SND1: variants seen among roughly 807,000 people sequenced by gnomAD.
SND1 encodes staphylococcal nuclease and tudor domain containing 1.
In SND1, 38 loss-of-function variants were observed where a neutral mutation model predicts 121.7. The observed-to-expected ratio is 0.31, with a 90% confidence interval of 0.24 to 0.41. SND1 has a LOEUF of 0.41. SND1 is among the 10% of genes least tolerant of loss of function. The probability of loss-of-function intolerance (pLI) is 1.00; values close to 1 mark genes in which losing one functional copy is unlikely to be tolerated. For synonymous variants in SND1, 401 were observed against 447.4 expected (o/e 0.90, Z 1.31); for missense variants, 868 against 1,184.6 (o/e 0.73, Z 3.92).
chr7:127,662,382 T>C (rs1353253269), intron 1 of SND1, among the ~76,000 whole-genome samples: 2 of 152,234 alleles, frequency 1.3e-5, no homozygotes, highest in Non-Finnish European at 2.9e-5. Flanking sequence ...TTCCACAGTT[T>C]GGATGTATAT....
intron 16 of SND1, chr7:128,028,950 C>A: frequency 6.2e-7 from 1 of 1,607,896 alleles, no homozygotes; most frequent in South Asian, 1.1e-5. Context: ...CTCAACAGTC[C>A]GGGCGGCTGT....
intron 15 of SND1, among the ~76,000 whole-genome samples, chr7:127,934,832 TA>T (rs934629271): frequency 3.3e-5 from 5 of 152,120 alleles, no homozygotes; most frequent in Admixed American, 6.6e-5. Flanking sequence ...AGGCAGTAAT[TA>T]AAACTGTTAC....
chr7:127,681,732 G>A (rs768547488), intron 1 of SND1, among the ~76,000 whole-genome samples: 16 of 152,102 alleles, frequency 1.1e-4, no homozygotes, highest in Non-Finnish European at 2.2e-4. Flanking sequence ...CATTTTTGTT[G>A]AAAGGACTAC....
At chr7:127,822,749 A>G (rs1034278901) in intron 11 of SND1, among the ~76,000 whole-genome samples, 1 of 152,204 alleles carries the variant, frequency 6.6e-6, no homozygotes, top group Non-Finnish European at 1.5e-5. Flanking sequence ...ACTGTTTTGT[A>G]ACCTGCAATA....
chr7:127,998,980 T>C (rs1008995827), intron 16 of SND1: 1 of 152,258 alleles, frequency 6.6e-6, no homozygotes, highest in African/African-American at 2.4e-5. Flanking sequence ...CTTAGAACTT[T>C]CATAGCCAGT....
intron 14 of SND1, among the ~76,000 whole-genome samples, chr7:127,908,619 A>ACT (rs1353249456): frequency 6.6e-6 from 1 of 152,122 alleles, no homozygotes; most frequent in East Asian, 1.9e-4. Context: ...CCGACTTGGT[A>ACT]CTAGGTCTTA....
chr7:127,857,953 C>T, intron 12 of SND1: 3 of 1,371,970 alleles, frequency 2.2e-6, no homozygotes, highest in South Asian at 2.3e-5. Context: ...TTCGCTCACC[C>T]AGGTCTGCAT....
chr7:127,710,977 G>T (rs1325727237), intron 9 of SND1, among the ~76,000 whole-genome samples: 1 of 152,122 alleles, frequency 6.6e-6, no homozygotes, highest in East Asian at 1.9e-4. Flanking sequence ...TTTCCCTGGA[G>T]TTAATAATTT....
intron 10 of SND1, among the ~76,000 whole-genome samples, chr7:127,734,724 G>T (rs1237644283): frequency 6.6e-6 from 1 of 152,164 alleles, no homozygotes; most frequent in East Asian, 1.9e-4. Context: ...TCTGTGTTAG[G>T]ACTGACGGAG....
intron 10 of SND1, among the ~76,000 whole-genome samples, chr7:127,746,581 C>A (rs1796986862): frequency 6.6e-6 from 1 of 152,168 alleles, no homozygotes; most frequent in Non-Finnish European, 1.5e-5. Flanking sequence ...CACAGGCATC[C>A]TGCTGGTATG....
intron 2 of SND1, 192 bp from the exon 3 acceptor site, chr7:127,694,636 T>A (rs1795976501): frequency 3.5e-6 from 2 of 574,948 alleles, no homozygotes; most frequent in Admixed American, 3.4e-5. Context: ...TGCTGGACCC[T>A]CCTTTTTTTA....
chr7:127,732,017 C>CAGTGG (rs1796685783), intron 10 of SND1, among the ~76,000 whole-genome samples: 1 of 152,314 alleles, frequency 6.6e-6, no homozygotes, highest in South Asian at 2.1e-4. Flanking sequence ...TCTAGGAATA[C>CAGTGG]AGTGGAGTGT....
chr7:128,081,543 C>T (rs1383760948), intron 18 of SND1, 42 bp downstream of exon 18: 2 of 1,609,554 alleles, frequency 1.2e-6, no homozygotes, highest in African/African-American at 1.3e-5. Flanking sequence ...TGGCTTGGTC[C>T]AGCTGGCGCT....
intron 15 of SND1, among the ~76,000 whole-genome samples, chr7:127,942,194 T>A (rs979449288): frequency 2.6e-5 from 4 of 152,154 alleles, no homozygotes; most frequent in African/African-American, 9.7e-5. Context: ...TTAACACCTG[T>A]TAATTACTTG....
chr7:127,670,894 C>T (rs1795504148), intron 1 of SND1, among the ~76,000 whole-genome samples: 1 of 151,540 alleles, frequency 6.6e-6, no homozygotes, highest in Non-Finnish European at 1.5e-5. Context: ...TCTTTAAAAC[C>T]CAAGATCTTT....
chr7:128,023,966 T>G (rs565840619), intron 16 of SND1, among the ~76,000 whole-genome samples: 2 of 152,182 alleles, frequency 1.3e-5, no homozygotes, highest in African/African-American at 4.8e-5. Flanking sequence ...AAACTGAGTC[T>G]TTTTCCAAAG....
At chr7:127,928,245 G>A (rs1800884859) in intron 14 of SND1, 1 of 152,146 alleles carries the variant, frequency 6.6e-6, no homozygotes, top group African/African-American at 2.4e-5. Context: ...GATTCCTGCT[G>A]ACATGAAGTA....
intron 10 of SND1, among the ~76,000 whole-genome samples, chr7:127,742,382 G>A (rs570476076): frequency 6.6e-6 from 1 of 152,298 alleles, no homozygotes; most frequent in South Asian, 2.1e-4. Context: ...AGGGTCACTA[G>A]AGATAGTAAC....
chr7:127,774,578 T>C (rs1315203072), intron 10 of SND1, among the ~76,000 whole-genome samples: 4 of 151,460 alleles, frequency 2.6e-5, no homozygotes, highest in Non-Finnish European at 2.9e-5. Flanking sequence ...TCATTTTTTA[T>C]CATTTTTTTT....
Sources: allele counts gnomAD v4.1 joint callset (sites outside exome capture counted in the v4.1 genomes callset), GRCh38; gene constraint gnomAD v4.1.1; transcripts MANE v1.5; gene names NCBI Gene and HGNC (gene_info 2026-07-23, HGNC 2026-07-21).